Variants in SMARCC1 observed in about 807,000 individuals in gnomAD.
SMARCC1 encodes the protein SWI/SNF complex subunit SMARCC1.
Under a neutral mutation model 147.4 loss-of-function variants are expected in SMARCC1, and 43 were observed. That is an observed-to-expected ratio of 0.29 (90% CI 0.23 to 0.38). The LOEUF is 0.38. SMARCC1 is among the 10% of genes least tolerant of loss of function. The pLI, the probability that SMARCC1 is intolerant of heterozygous loss-of-function variation, is 1.00. For synonymous variants in SMARCC1, 495 were observed against 484.4 expected (o/e 1.02, Z -0.29); for missense variants, 1,119 against 1,381.1 (o/e 0.81, Z 3.01).
Position 47,746,015 on chromosome 3 carries a change from CAT to C in SMARCC1, c.316-24_316-23del, listed in dbSNP as rs552541668. 379 of 1,483,880 alleles carry C rather than the reference CAT, an allele frequency of 2.6e-4. 4 individuals carry two copies. Among genetic ancestry groups the C allele is most frequent in the South Asian group, 2.3e-3 (176 of 76,864 alleles). 91.9% of individuals were successfully genotyped at this position (1,483,880 alleles called of 1,614,324 possible). A position where few individuals can be genotyped will look rare whatever the true frequency, so the allele number is the denominator to read the frequency against. On this transcript the variant is annotated intron_variant, in intron 2 of 27. Transcript: ENST00000254480. The stretch of plus-strand genomic sequence containing the variant: ...TTGCCTAAAAATGATACAAATTACA[CAT>C]GAGAAAAATAAAGCTTCTGACAAAA...
chr3:47,613,709 CA>C (rs953830267), intron 25 of SMARCC1, among the ~76,000 whole-genome samples: 6 of 151,946 alleles, frequency 3.9e-5, no homozygotes, highest in Non-Finnish European at 8.8e-5. Flanking sequence ...TGTTTAATAA[CA>C]AAAAAATAGG....
intron 21 of SMARCC1, among the ~76,000 whole-genome samples, chr3:47,639,622 G>A (rs1203271419): frequency 6.6e-6 from 1 of 152,146 alleles, no homozygotes; most frequent in Non-Finnish European, 1.5e-5. Context: ...TCTGAGGCAG[G>A]AGAATCACTT....
chr3:47,638,801 A>C (rs2033008988), intron 21 of SMARCC1, 21 bp from the exon 22 acceptor site: 2 of 1,576,032 alleles, frequency 1.3e-6, no homozygotes, highest in Non-Finnish European at 1.7e-6. Context: ...AAGAATAAGA[A>C]CAAGTACTCC....
chr3:47,671,196 A>AAAACC (rs753672169), intron 18 of SMARCC1, among the ~76,000 whole-genome samples: 1 of 81,144 alleles, frequency 1.2e-5, no homozygotes. Flanking sequence ...AAAAAAAAAA[A>AAAACC]AACACACACA....
At chr3:47,754,780 C>T (rs563674716) in intron 2 of SMARCC1, among the ~76,000 whole-genome samples, 15 of 152,294 alleles carry the variant, frequency 9.8e-5, no homozygotes, top group African/African-American at 3.6e-4. Flanking sequence ...CAGTGCCCCA[C>T]GCCTGTAATG....
chr3:47,659,147 G>C (rs1283567649), intron 21 of SMARCC1, among the ~76,000 whole-genome samples: 2 of 147,320 alleles, frequency 1.4e-5, no homozygotes. Context: ...GAGAGAGAGA[G>C]ACAGAATCAG....
chr3:47,757,796 A>G (rs1012824595), intron 2 of SMARCC1, among the ~76,000 whole-genome samples: 80 of 151,550 alleles, frequency 5.3e-4, no homozygotes, highest in Middle Eastern at 3.4e-3. Flanking sequence ...AAAAAAAAAA[A>G]AAAGAAAGAA....
rs139831386 is a variant in SMARCC1 at position 47,674,868 on chromosome 3, T to C, written c.1839+607A>G. ...TCTTATGGGTTTCTAATGATAAACA[T>C]TAATTCTTTGGACTGTATCATTCAT... On this transcript the variant is annotated intron_variant, in intron 18 of 27. Transcript: ENST00000254480. Among the ~76,000 whole-genome samples the C allele has an allele frequency of 1.2e-3, 187 of 152,316 alleles. 1 individual carries two copies. Among genetic ancestry groups the C allele is most frequent in the African/African-American group, 4.2e-3 (175 of 41,566 alleles).
chr3:47,686,187 A>G lies in SMARCC1; in HGVS notation c.1264-17T>C. On this transcript the variant is annotated splice_polypyrimidine_tract_variant and intron_variant, in intron 13 of 27. Coordinates refer to ENST00000254480, the MANE Select transcript of SMARCC1 (RefSeq NM_003074.4). ...TTCATCTTCCTATAGAAAAGAAGAC[A>G]AAGTTCAAAGAAAGAAAGAACTACA... 1 of 1,603,460 alleles carries G rather than the reference A, an allele frequency of 6.2e-7. No individual in the cohort carries two copies. Among genetic ancestry groups the G allele is most frequent in the Non-Finnish European group, 8.5e-7 (1 of 1,172,100 alleles).
chr3:47,710,549 G>C, intron 9 of SMARCC1, 134 bp downstream of exon 9: 4 of 825,786 alleles, frequency 4.8e-6, no homozygotes, highest in Non-Finnish European at 7.4e-6. Context: ...ATTTTCACCT[G>C]ATGGCACATC....
At chr3:47,606,182 GA>G (rs2032470767) in intron 26 of SMARCC1, among the ~76,000 whole-genome samples, 1 of 151,974 alleles carries the variant, frequency 6.6e-6, no homozygotes, top group African/African-American at 2.4e-5. Context: ...ATTTTTGTGA[GA>G]AAGTAAAAAG....
intron 27 of SMARCC1, 47 bp from the exon 28 acceptor site, chr3:47,588,353 G>T: frequency 6.4e-7 from 1 of 1,559,490 alleles, no homozygotes; most frequent in South Asian, 1.1e-5. Context: ...AAATACAAGA[G>T]ACTCAGGAAA....
intron 25 of SMARCC1, among the ~76,000 whole-genome samples, chr3:47,613,856 A>G (rs1239253088): frequency 6.6e-6 from 1 of 152,120 alleles, no homozygotes; most frequent in Admixed American, 6.6e-5. Flanking sequence ...AAGCAGCCGT[A>G]TCCAAGCGAA....
At chr3:47,642,961 T>C (rs887467315) in intron 21 of SMARCC1, among the ~76,000 whole-genome samples, 2 of 152,118 alleles carry the variant, frequency 1.3e-5, no homozygotes, top group African/African-American at 4.8e-5. Flanking sequence ...TCAGTAGGAC[T>C]GCTGAGCCTG....
intron 6 of SMARCC1, among the ~76,000 whole-genome samples, chr3:47,723,316 T>C (rs572075075): frequency 6.6e-6 from 1 of 150,560 alleles, no homozygotes; most frequent in African/African-American, 2.4e-5. Context: ...TAATTGAAAT[T>C]AGCTTAGATA....
In SMARCC1 at chr3:47,735,733, G is replaced by A. The variant is rs550303516; in HGVS notation, c.576+301C>T. ...TGCACCCCTACACTCTAGCCTGGGC[G>A]ACAGCGCGAGACTCTCTCAACCACA... On this transcript the variant is annotated intron_variant, in intron 5 of 27. Coordinates refer to ENST00000254480, the MANE Select transcript of SMARCC1 (RefSeq NM_003074.4). Among the ~76,000 whole-genome samples the A allele has an allele frequency of 3.3e-5, 5 of 152,128 alleles. No homozygotes were observed. In the East Asian group the frequency reaches 7.7e-4, roughly 24 times the overall value.
intron 24 of SMARCC1, among the ~76,000 whole-genome samples, chr3:47,631,447 T>C (rs1048723944): frequency 6.6e-6 from 1 of 152,212 alleles, no homozygotes; most frequent in Admixed American, 6.5e-5. Flanking sequence ...GGGGGATTTA[T>C]AGTTTATCCT....
intron 26 of SMARCC1, among the ~76,000 whole-genome samples, chr3:47,597,984 G>C (rs2032318229): frequency 6.6e-6 from 1 of 152,178 alleles, no homozygotes; most frequent in Admixed American, 6.5e-5. Context: ...GGAAGGTATA[G>C]AACTCCCAGA....
At chr3:47,764,651 CTCTA>C (rs2034814997) in intron 2 of SMARCC1, among the ~76,000 whole-genome samples, 1 of 152,152 alleles carries the variant, frequency 6.6e-6, no homozygotes, top group African/African-American at 2.4e-5. Context: ...GCCTACTGAG[CTCTA>C]TCTAACTGGT....
Sources: gnomAD v4.1 joint callset for allele counts (sites outside exome capture counted in the v4.1 genomes callset) on GRCh38, gnomAD v4.1.1 for gene constraint, MANE v1.5 for transcripts, NCBI Gene and HGNC (gene_info 2026-07-23, HGNC 2026-07-21) for gene names.